The following DHX8 variants were observed in gnomAD, a reference collection of about 807,000 sequenced individuals.
The protein encoded by DHX8 is ATP-dependent RNA helicase DHX8.
DHX8 carries 67 observed loss-of-function variants against 140.7 expected under a neutral mutation model. The observed-to-expected ratio is 0.48, with a 90% CI of 0.39 to 0.58. The LOEUF (loss-of-function observed/expected upper bound fraction) is 0.58, where lower values mean the gene tolerates loss of function less well. Ranked by LOEUF, DHX8 falls within the 20% of genes least tolerant of loss-of-function variation. The pLI is 0.00. For synonymous variants in DHX8, 533 were observed against 553.2 expected (o/e 0.96, Z 0.51); for missense variants, 887 against 1,550.7 (o/e 0.57, Z 7.19).
In DHX8 at chr17:43,534,095, T is replaced by A. The variant is rs537733149; in HGVS notation, c.351-2317T>A. The A allele has an allele frequency of 4.4e-5, 52 of 1,182,648 alleles. No individual in the cohort carries two copies. In the Middle Eastern group the frequency reaches 7.5e-4, roughly 17 times the overall value. The allele number at this position is 1,182,648 out of a possible 1,614,324, so 73.3% of individuals were successfully genotyped here. A position where few individuals can be genotyped will look rare whatever the true frequency, so the allele number is the denominator to read the frequency against. Reference sequence around the variant, plus strand: ...GACCAGCTGGGTGACTGGTACAGCCTCCTTCCCTCTCTGGGTATCAATTTT... The same window carrying A: ...GACCAGCTGGGTGACTGGTACAGCCACCTTCCCTCTCTGGGTATCAATTTT... On this transcript the variant is annotated intron_variant, in intron 2 of 3. Transcript: ENST00000589898.
intron 8 of DHX8, among the ~76,000 whole-genome samples, chr17:43,494,904 C>T (rs1363527915): frequency 3.2e-4 from 49 of 150,788 alleles, no homozygotes; most frequent in African/African-American, 5.6e-4. Context: ...CTCTGCCTCC[C>T]GGGTTCAAGC....
chr17:43,531,753 T>G (rs1970949093), downstream of DHX8, among the ~76,000 whole-genome samples: 1 of 152,174 alleles, frequency 6.6e-6, no homozygotes, highest in Non-Finnish European at 1.5e-5. Flanking sequence ...TATTGAGAAC[T>G]AGCAAGAACC....
rs201381794 is a variant in DHX8 at position 43,490,474 on chromosome 17, C to G, written c.307+11C>G. On this transcript the variant is annotated intron_variant, in intron 3 of 22. Coordinates refer to ENST00000262415, the MANE Select transcript of DHX8 (RefSeq NM_004941.3). Reference sequence around the variant, plus strand: ...CTTCCACTAGCAAAGGTAAGCAGAGCTTCCAGCTGAGCTTAGCTTCTAGAA... The same window carrying G: ...CTTCCACTAGCAAAGGTAAGCAGAGGTTCCAGCTGAGCTTAGCTTCTAGAA... 6.3e-4 allele frequency: 1,014 copies of G among 1,609,140 alleles called. 1 individual carries two copies. Among genetic ancestry groups the G allele is most frequent in the Non-Finnish European group, 8.1e-4 (952 of 1,176,626 alleles).
chr17:43,513,469 G>A lies in DHX8; in HGVS notation c.2610G>A (p.Gly870=), dbSNP rs536170729. 1.2e-5 allele frequency: 19 copies of A among 1,613,942 alleles called. No homozygotes were observed. The Admixed American group carries it at 2.7e-4, about 23-fold the overall frequency. ...AGAAAGTTTACAATTCCAAGACAGGGATTGACCAGCTCGTGGTGACGCCTA... is the reference window on the plus strand; with the variant it reads ...AGAAAGTTTACAATTCCAAGACAGGAATTGACCAGCTCGTGGTGACGCCTA... ...VKQKVYNSKT[G]IDQLVVTPIS... Residue 870 remains glycine, a synonymous_variant, in exon 17 of 23, where the codon GGG becomes GGA. Transcript: ENST00000262415.
In DHX8 at chr17:43,524,616, T is replaced by TACAGATGGCACA. The variant is rs1169689751; in HGVS notation, c.*769_*770insACAGATGGCACA. On this transcript the variant is annotated 3_prime_UTR_variant, in exon 23 of 23. Transcript: ENST00000262415. The stretch of plus-strand genomic sequence containing the variant: ...CCTGAGTGGCTACAGATGGCACATA[T>TACAGATGGCACA]TAAATACAGAAGGTTTCCCCTTGCT... 4.1e-6 allele frequency: 4 copies of TACAGATGGCACA among 985,402 alleles called. No homozygotes were observed. The East Asian group carries it at 3.4e-4, about 84-fold the overall frequency. The allele number at this position is 985,402 out of a possible 1,614,324, so 61.0% of individuals were successfully genotyped here.
intron 2 of DHX8, among the ~76,000 whole-genome samples, chr17:43,489,792 G>C (rs557740288): frequency 6.6e-6 from 1 of 151,914 alleles, no homozygotes; most frequent in African/African-American, 2.4e-5. Flanking sequence ...GGGTTTCACC[G>C]TGTTAGCCAG....
At chr17:43,491,607 T>C (rs1968521701) in intron 4 of DHX8, among the ~76,000 whole-genome samples, 1 of 152,180 alleles carries the variant, frequency 6.6e-6, no homozygotes, top group Non-Finnish European at 1.5e-5. Flanking sequence ...TTAATAAATA[T>C]TTATTGAGTA....
intron 2 of DHX8, among the ~76,000 whole-genome samples, chr17:43,532,296 C>G (rs563354684): frequency 6.6e-6 from 1 of 152,110 alleles, no homozygotes; most frequent in Admixed American, 6.6e-5. Context: ...GTCAGGAGTT[C>G]GAGACCATCC....
At chr17:43,496,105 C>A in intron 8 of DHX8, 76 bp from the exon 9 acceptor site, 1 of 1,202,164 alleles carries the variant, frequency 8.3e-7, no homozygotes, top group Non-Finnish European at 1.2e-6. Flanking sequence ...CTCAAAAAAA[C>A]AAAACAAAAC....
At chr17:43,519,253 C>G (rs1214918096) in intron 18 of DHX8, 1 of 152,208 alleles carries the variant, frequency 6.6e-6, no homozygotes, top group Non-Finnish European at 1.5e-5. Flanking sequence ...CCCGTCCTCA[C>G]TGACATTTGT....
intron 18 of DHX8, 75 bp downstream of exon 18, chr17:43,517,397 T>C (rs1158474098): frequency 6.6e-7 from 1 of 1,506,854 alleles, no homozygotes; most frequent in African/African-American, 1.4e-5. Context: ...ATTTCAGTTT[T>C]ATGAACCTTG....
chr17:43,527,620 A>T (rs1753840821), downstream of DHX8, among the ~76,000 whole-genome samples: 1 of 152,202 alleles, frequency 6.6e-6, no homozygotes. Context: ...CCTGTCCATT[A>T]TTTCTGGATC....
chr17:43,504,747 C>T lies in DHX8; in HGVS notation c.1650C>T (p.Tyr550=), dbSNP rs573416546. The T allele has an allele frequency of 1.6e-5, 26 of 1,613,988 alleles. No individual in the cohort carries two copies. Among genetic ancestry groups the T allele is most frequent in the East Asian group, 8.9e-5 (4 of 44,864 alleles). The change falls in exon 12 of 23, where the codon TAC becomes TAT. Residue 550 remains tyrosine (Y), a synonymous_variant. Coordinates refer to ENST00000262415, the MANE Select transcript of DHX8 (RefSeq NM_004941.3). ...KHAFGGNKAS[Y]GKKTQMSILE... ...CCTTTGGGGGCAACAAAGCCTCTTA[C>T]GGAAAAAAGACCCAGATGTCAATCC...
At chr17:43,510,043 T>C (rs1024230181) in intron 16 of DHX8, among the ~76,000 whole-genome samples, 2 of 151,460 alleles carry the variant, frequency 1.3e-5, no homozygotes, top group East Asian at 3.9e-4. Flanking sequence ...TTTTGTTTGT[T>C]TGTTTGTTTG....
chr17:43,491,649 C>G (rs531677191), intron 4 of DHX8, among the ~76,000 whole-genome samples: 1 of 151,924 alleles, frequency 6.6e-6, no homozygotes, highest in South Asian at 2.1e-4. Flanking sequence ...TTCTAAGTAC[C>G]TGGATAACAG....
Position 43,492,192 on chromosome 17 carries a change from G to A in DHX8, c.403G>A (p.Asp135Asn), listed in dbSNP as rs1567676123. Residue 135 changes from aspartate (D) to asparagine (N), a missense_variant, in exon 5 of 23, where the codon GAT (aspartate) becomes AAT (asparagine). Around this residue, in one of 9 missense-constraint regions of DHX8, gnomAD observed 304 missense variants for 306.9 expected, o/e 0.99. Coordinates refer to ENST00000262415, the MANE Select transcript of DHX8 (RefSeq NM_004941.3). ...GCCTCTACCTCTGCAGACCATGTTG[G>A]ATGAAGATGATGTGAAAGTTGCTGT... ...PDNPSVRTML[D>N]EDDVKVAVDV... The A allele has an allele frequency of 6.2e-7, 1 of 1,613,992 alleles. No individual in the cohort carries two copies. Among genetic ancestry groups the A allele is most frequent in the East Asian group, 2.2e-5 (1 of 44,868 alleles).
chr17:43,484,354 A>G (rs1311422234), intron 1 of DHX8, among the ~76,000 whole-genome samples, 169 bp downstream of exon 1: 5 of 152,180 alleles, frequency 3.3e-5, no homozygotes, highest in Non-Finnish European at 5.9e-5. Context: ...CCTCGGCTTG[A>G]GAGCCCTCGA....
chr17:43,542,662 G>T lies in DHX8; in HGVS notation c.*21-1500G>T, dbSNP rs55814309. 1.7e-3 allele frequency among the ~76,000 whole-genome samples: 265 copies of T among 152,064 alleles called. 2 individuals are homozygous for T. The highest frequency in any genetic ancestry group is 2.7e-3 in the Non-Finnish European group (186 of 67,968). ...ATATGTGAGCTGCCTCCATAAAGCC[G>T]CACTCACACTCACCCTTCAACGCCC... On this transcript the variant is annotated intron_variant, in intron 3 of 3. Transcript: ENST00000589898.
intron 1 of DHX8, among the ~76,000 whole-genome samples, chr17:43,488,551 C>T (rs1485199879): frequency 2.0e-5 from 3 of 150,656 alleles, no homozygotes. Flanking sequence ...GTGGAGGTTG[C>T]AGTGAGCCGA....
Sources: gnomAD v4.1 joint callset for allele counts (sites outside exome capture counted in the v4.1 genomes callset) on GRCh38, gnomAD v4.1.1 for gene constraint, gnomAD v4.1.1 regional missense constraint, MANE v1.5 for transcripts, NCBI Gene and HGNC (gene_info 2026-07-23, HGNC 2026-07-21) for gene names.